MYO1B: variants seen among roughly 807,000 people sequenced by gnomAD.
MYO1B encodes myosin IB.
In MYO1B, 72 loss-of-function variants were observed where a neutral mutation model predicts 159.7. The observed-to-expected ratio is 0.45, with a 90% CI of 0.37 to 0.55. The LOEUF (loss-of-function observed/expected upper bound fraction) is 0.55. MYO1B is among the 20% of genes least tolerant of loss of function. The pLI is 0.00. For synonymous variants in MYO1B, 468 were observed against 473.8 expected (o/e 0.99, Z 0.16); for missense variants, 1,062 against 1,364.8 (o/e 0.78, Z 3.50).
chr2:191,356,784 A>T (rs751359156), intron 7 of MYO1B, among the ~76,000 whole-genome samples: 1 of 152,214 alleles, frequency 6.6e-6, no homozygotes, highest in African/African-American at 2.4e-5. Context: ...ACGAACTTTC[A>T]ATTATCTGCC....
At chr2:191,348,726 T>TA (rs2125979789) in intron 6 of MYO1B, among the ~76,000 whole-genome samples, 1 of 152,356 alleles carries the variant, frequency 6.6e-6, no homozygotes, top group South Asian at 2.1e-4. Context: ...CTAATCACTG[T>TA]AGCCACCTCC....
At chr2:191,248,319 AC>A (rs1235808118) in intron 1 of MYO1B, among the ~76,000 whole-genome samples, 1 of 152,226 alleles carries the variant, frequency 6.6e-6, no homozygotes, top group Non-Finnish European at 1.5e-5. Flanking sequence ...CTTACACCGT[AC>A]AGATGCTCCT....
intron 6 of MYO1B, among the ~76,000 whole-genome samples, chr2:191,347,795 G>A (rs6736661): frequency 0.09 from 13,730 of 152,128 alleles, 2,027 homozygotes; most frequent in African/African-American, 0.31. Flanking sequence ...GGACTCTACT[G>A]TATTTAAAGT....
chr2:191,254,223 A>G (rs1014348959), intron 1 of MYO1B, among the ~76,000 whole-genome samples: 2 of 151,906 alleles, frequency 1.3e-5, no homozygotes, highest in Non-Finnish European at 2.9e-5. Context: ...TTATTTATTT[A>G]TTTTTTGAGA....
At chr2:191,280,731 A>G (rs1457895797) in intron 2 of MYO1B, among the ~76,000 whole-genome samples, 1 of 152,184 alleles carries the variant, frequency 6.6e-6, no homozygotes, top group African/African-American at 2.4e-5. Flanking sequence ...CCAACCAAAT[A>G]TATCTATTCA....
At chr2:191,387,105 G>C in intron 16 of MYO1B, 119 bp from the exon 17 acceptor site, 1 of 976,860 alleles carries the variant, frequency 1.0e-6, no homozygotes, top group Non-Finnish European at 1.5e-6. Context: ...AACATGTCAG[G>C]GATTTTTTGA....
At chr2:191,268,909 G>A (rs764156988) in intron 1 of MYO1B, among the ~76,000 whole-genome samples, 1 of 152,230 alleles carries the variant, frequency 6.6e-6, no homozygotes, top group Non-Finnish European at 1.5e-5. Flanking sequence ...TTGTGTGTGT[G>A]TAAGTGGGGA....
At chr2:191,381,141 A>G in intron 13 of MYO1B, 1 of 368,210 alleles carries the variant, frequency 2.7e-6, no homozygotes, top group Non-Finnish European at 5.2e-6. Context: ...TGTGGAGCTC[A>G]CTGTGTCTTT....
At position 191,381,446 on chromosome 2, in the gene MYO1B, C is replaced by A; in HGVS notation, c.1186-16C>A. 2 of 1,598,364 alleles carry A rather than the reference C, an allele frequency of 1.3e-6. No individual in the cohort carries two copies. Among genetic ancestry groups the A allele is most frequent in the South Asian group, 1.1e-5 (1 of 90,706 alleles). ...TGGCATGGTTTATAAAGCTGTTTTTCATTTTCTCCATACAGGACAACAGCT... is the reference window on the plus strand; with the variant it reads ...TGGCATGGTTTATAAAGCTGTTTTTAATTTTCTCCATACAGGACAACAGCT... On this transcript the variant is annotated splice_polypyrimidine_tract_variant and intron_variant, in intron 13 of 30. Transcript: ENST00000392318.
intron 1 of MYO1B, among the ~76,000 whole-genome samples, chr2:191,262,027 G>A (rs79773055): frequency 2.2e-3 from 327 of 151,772 alleles, no homozygotes; most frequent in African/African-American, 7.2e-3. Flanking sequence ...AGTCTTAAAC[G>A]CTCCTGTCTC....
chr2:191,346,471 T>C (rs1692574388), intron 6 of MYO1B, among the ~76,000 whole-genome samples, 189 bp downstream of exon 6: 1 of 152,156 alleles, frequency 6.6e-6, no homozygotes, highest in Admixed American at 6.5e-5. Flanking sequence ...CTTTTTGGAG[T>C]AACAAGCAAT....
In MYO1B at chr2:191,387,376, A is replaced by G. The variant is rs762795992; in HGVS notation, c.1707A>G (p.Thr569=). The part of the protein sequence containing the change: ...PAKINLKRPP[T]AGSQFKASVA... ...AGATCAACCTGAAAAGGCCTCCTAC[A>G]GCAGGCTCACAGTTCAAGGCATCCG... is the stretch of plus-strand genomic sequence containing the variant. Residue 569 remains threonine, a synonymous_variant, in exon 17 of 31, where the codon ACA becomes ACG. Coordinates refer to ENST00000392318, the MANE Select transcript of MYO1B (RefSeq NM_001130158.3). The G allele has an allele frequency of 4.3e-6, 7 of 1,614,214 alleles. No individual in the cohort carries two copies. In the East Asian group the frequency reaches 1.6e-4, roughly 36 times the overall value.
chr2:191,357,480 G>A (rs758368769), intron 7 of MYO1B, among the ~76,000 whole-genome samples: 1 of 152,182 alleles, frequency 6.6e-6, no homozygotes, highest in Non-Finnish European at 1.5e-5. Flanking sequence ...CCTTAAAATG[G>A]AAATTTATGC....
At position 191,353,086 on chromosome 2, in the gene MYO1B, G is replaced by A. The variant is rs994482313; in HGVS notation, c.562+2861G>A. Among the ~76,000 whole-genome samples the A allele has an allele frequency of 2.6e-5, 4 of 152,178 alleles. No individual in the cohort carries two copies. In the East Asian group the frequency reaches 7.7e-4, roughly 29 times the overall value. On this transcript the variant is annotated intron_variant, in intron 7 of 30. Transcript: ENST00000392318. Reference sequence around the variant, plus strand: ...AACTCCTCTCTCTTTTTCTAAAAGAGACAAATTAAGTCTGGGACTCACTTG... The same window carrying A: ...AACTCCTCTCTCTTTTTCTAAAAGAAACAAATTAAGTCTGGGACTCACTTG...
chr2:191,416,973 T>C (rs1316558713), intron 30 of MYO1B, among the ~76,000 whole-genome samples: 1 of 152,254 alleles, frequency 6.6e-6, no homozygotes, highest in Non-Finnish European at 1.5e-5. Flanking sequence ...TGTATCTATC[T>C]ATGTAAGTGT....
intron 7 of MYO1B, among the ~76,000 whole-genome samples, chr2:191,357,379 A>C (rs1693369427): frequency 1.3e-5 from 2 of 152,124 alleles, no homozygotes; most frequent in South Asian, 2.1e-4. Context: ...GCGGCAGCGC[A>C]GTGGGGCGGG....
chr2:191,323,151 T>C (rs1690838764), intron 3 of MYO1B, among the ~76,000 whole-genome samples: 1 of 152,168 alleles, frequency 6.6e-6, no homozygotes, highest in African/African-American at 2.4e-5. Context: ...GCATTATAAT[T>C]AGTGTGTAAT....
intron 5 of MYO1B, among the ~76,000 whole-genome samples, chr2:191,344,970 A>G (rs1407286201): frequency 6.6e-6 from 1 of 152,128 alleles, no homozygotes; most frequent in Non-Finnish European, 1.5e-5. Flanking sequence ...GAGACTTCTG[A>G]CTGCTTTCAA....
chr2:191,387,764 A>G, intron 17 of MYO1B: 1 of 364,546 alleles, frequency 2.7e-6, no homozygotes, highest in Non-Finnish European at 5.1e-6. Flanking sequence ...AAAAAACAAA[A>G]TGCAAGTGTT....
Sources: gnomAD v4.1 joint callset for allele counts (sites outside exome capture counted in the v4.1 genomes callset) on GRCh38, gnomAD v4.1.1 for gene constraint, MANE v1.5 for transcripts, NCBI Gene and HGNC (gene_info 2026-07-23, HGNC 2026-07-21) for gene names.